The following DPP10 variants were observed in gnomAD, a reference collection of about 807,000 sequenced individuals.
DPP10 encodes the protein inactive dipeptidyl peptidase 10.
DPP10 carries 33 observed loss-of-function variants against 120.9 expected under a neutral mutation model. That is an observed-to-expected ratio of 0.27 (90% CI 0.21 to 0.37). DPP10 has a LOEUF of 0.37. DPP10 is among the 10% of genes least tolerant of loss of function. DPP10 has a pLI of 1.00. For missense variants in DPP10, 816 were observed against 942.8 expected, an observed-to-expected ratio of 0.87 and a Z score of 1.76; for synonymous variants, 337 against 326.1, an observed-to-expected ratio of 1.03 and a Z score of -0.36.
chr2:115,678,880 CA>C lies in DPP10; in HGVS notation c.442-10806del, dbSNP rs558617570. Among the ~76,000 whole-genome samples, 213 of 152,326 alleles carry C rather than the reference CA, an allele frequency of 1.4e-3. 1 individual carries two copies. Among genetic ancestry groups the C allele is most frequent in the Non-Finnish European group, 2.2e-3 (149 of 68,028 alleles). On this transcript the variant is annotated intron_variant, in intron 5 of 25. Coordinates refer to ENST00000410059, the MANE Select transcript of DPP10 (RefSeq NM_020868.6). ...CTGAATGTGGGCCATGGAGTCAAAA[CA>C]GATCATTTTGGAACTTTAAGGTTTA...
intron 5 of DPP10, among the ~76,000 whole-genome samples, chr2:115,595,418 A>G (rs2082927050): frequency 6.6e-6 from 1 of 152,102 alleles, no homozygotes; most frequent in Non-Finnish European, 1.5e-5. Context: ...AATCTCAAAC[A>G]GTTTGACCAT....
At chr2:115,164,267 A>G (rs987869858) in intron 1 of DPP10, among the ~76,000 whole-genome samples, 5 of 152,108 alleles carry the variant, frequency 3.3e-5, no homozygotes, top group Non-Finnish European at 7.4e-5. Flanking sequence ...AAACGATGGA[A>G]AAAGAATGTG....
chr2:115,459,298 A>G (rs57391329), intron 3 of DPP10, among the ~76,000 whole-genome samples: 21,451 of 151,940 alleles, frequency 0.14, 3,329 homozygotes, highest in African/African-American at 0.38. Context: ...CTGGAATTAC[A>G]GGCACGTGCC....
chr2:114,905,790 T>C (rs1167479070), intron 1 of DPP10, among the ~76,000 whole-genome samples: 1 of 152,192 alleles, frequency 6.6e-6, no homozygotes, highest in East Asian at 1.9e-4. Context: ...TCAAGTGACC[T>C]GCTGGCCTCA....
At chr2:114,745,530 T>C (rs1230069342) in intron 1 of DPP10, among the ~76,000 whole-genome samples, 4 of 152,176 alleles carry the variant, frequency 2.6e-5, no homozygotes, top group Non-Finnish European at 5.9e-5. Flanking sequence ...AAGAAATACA[T>C]GGTATGATGG....
chr2:115,546,812 A>G (rs1258528542), intron 5 of DPP10, among the ~76,000 whole-genome samples: 1 of 152,144 alleles, frequency 6.6e-6, no homozygotes, highest in Non-Finnish European at 1.5e-5. Flanking sequence ...AATGTCAGGT[A>G]CCTTGGGAAA....
chr2:115,572,671 T>G (rs2081408074), intron 5 of DPP10, among the ~76,000 whole-genome samples: 1 of 152,210 alleles, frequency 6.6e-6, no homozygotes, highest in Admixed American at 6.5e-5. Flanking sequence ...TTCATAGCTC[T>G]GAAATTATCT....
At chr2:115,341,593 A>G (rs771052946) in intron 2 of DPP10, among the ~76,000 whole-genome samples, 10 of 152,154 alleles carry the variant, frequency 6.6e-5, no homozygotes, top group Admixed American at 2.6e-4. Flanking sequence ...CAAATTCTCT[A>G]TGTTCACCTG....
intron 5 of DPP10, among the ~76,000 whole-genome samples, chr2:115,601,312 G>GT (rs1169880659): frequency 3.9e-5 from 6 of 152,096 alleles, no homozygotes; most frequent in Non-Finnish European, 8.8e-5. Flanking sequence ...AGGTTTCTTT[G>GT]TTTTTTAAGG....
intron 1 of DPP10, among the ~76,000 whole-genome samples, chr2:114,919,724 A>C (rs1695060657): frequency 6.6e-6 from 1 of 152,214 alleles, no homozygotes; most frequent in Non-Finnish European, 1.5e-5. Flanking sequence ...AATAACTATT[A>C]CAATCAACTA....
chr2:114,829,900 C>G (rs1686931781), intron 1 of DPP10, among the ~76,000 whole-genome samples: 1 of 151,990 alleles, frequency 6.6e-6, no homozygotes, highest in African/African-American at 2.4e-5. Flanking sequence ...CTTTTTCTTC[C>G]TTTTCCACTT....
intron 3 of DPP10, among the ~76,000 whole-genome samples, chr2:115,484,601 G>T (rs1353184170): frequency 6.6e-6 from 1 of 152,070 alleles, no homozygotes; most frequent in African/African-American, 2.4e-5. Context: ...AGGCTGTAGG[G>T]ATTCCATATG....
intron 7 of DPP10, among the ~76,000 whole-genome samples, chr2:115,702,298 TCAAA>T (rs1366781459): frequency 1.3e-5 from 2 of 151,982 alleles, no homozygotes; most frequent in Non-Finnish European, 2.9e-5. Flanking sequence ...TGGTATCTCC[TCAAA>T]CAATTAAACA....
At chr2:114,802,922 C>T (rs1437368077) in intron 1 of DPP10, among the ~76,000 whole-genome samples, 1 of 152,168 alleles carries the variant, frequency 6.6e-6, no homozygotes, top group African/African-American at 2.4e-5. Context: ...ACTATGATAG[C>T]TCTTAACCAT....
chr2:115,349,574 T>C (rs577739552), intron 3 of DPP10, among the ~76,000 whole-genome samples: 1 of 152,196 alleles, frequency 6.6e-6, no homozygotes, highest in Non-Finnish European at 1.5e-5. Flanking sequence ...TGACATTTGT[T>C]AATAAATGCG....
chr2:115,433,469 A>C (rs897008802), intron 3 of DPP10, among the ~76,000 whole-genome samples: 1 of 152,012 alleles, frequency 6.6e-6, no homozygotes, highest in Non-Finnish European at 1.5e-5. Context: ...GTGTGTGTGC[A>C]TATACATATA....
chr2:114,708,207 G>T lies in DPP10; in HGVS notation c.60+265369G>T, dbSNP rs1364635566. Among the ~76,000 whole-genome samples, 3 of 152,282 alleles carry T rather than the reference G, an allele frequency of 2.0e-5. No individual in the cohort carries two copies. In the East Asian group the frequency reaches 5.8e-4, roughly 29 times the overall value. ...GTCTCAGGAAAGTTGCCCAGGGCAG[G>T]TGGAGCCTTATCTGTTCATGCCCAC... is the stretch of plus-strand genomic sequence containing the variant. On this transcript the variant is annotated intron_variant, in intron 1 of 25. Transcript: ENST00000410059.
At chr2:115,655,006 G>A (rs1331666418) in intron 5 of DPP10, among the ~76,000 whole-genome samples, 1 of 151,166 alleles carries the variant, frequency 6.6e-6, no homozygotes, top group African/African-American at 2.4e-5. Flanking sequence ...ATTTTATCTT[G>A]TCTCTTTTTG....
rs559794202 is a variant in DPP10 at position 115,604,434 on chromosome 2, A to G, written c.441+78462A>G. On this transcript the variant is annotated intron_variant, in intron 5 of 25. Transcript: ENST00000410059. ...TCTCATATCTGTTATTTCTTCTAAG[A>G]TCTCAGAGGAATGCTCTCAACCTGG... 7.9e-5 allele frequency among the ~76,000 whole-genome samples: 12 copies of G among 152,286 alleles called. No homozygotes were observed. In the South Asian group the frequency reaches 2.5e-3, roughly 32 times the overall value.
Sources: allele counts gnomAD v4.1 joint callset (sites outside exome capture counted in the v4.1 genomes callset), GRCh38; gene constraint gnomAD v4.1.1; transcripts MANE v1.5; gene names NCBI Gene and HGNC (gene_info 2026-07-23, HGNC 2026-07-21).